The following LAMA2 variants were observed in gnomAD, a reference collection of about 807,000 sequenced individuals.
LAMA2 encodes the protein laminin subunit alpha-2.
LAMA2 carries 269 observed loss-of-function variants against 364.8 expected under a neutral mutation model. That is an observed-to-expected ratio of 0.74 (90% CI 0.67 to 0.82). The LOEUF is 0.82. Ranked by LOEUF, LAMA2 falls within the 40% of genes least tolerant of loss-of-function variation. The pLI, the probability that LAMA2 is intolerant of heterozygous loss-of-function variation, is 0.00. For synonymous variants in LAMA2, 1,379 were observed against 1,370.6 expected, an observed-to-expected ratio of 1.01 and a Z score of -0.14; for missense variants, 3,807 against 3,873.2, an observed-to-expected ratio of 0.98 and a Z score of 0.45.
intron 1 of LAMA2, among the ~76,000 whole-genome samples, chr6:128,976,748 C>A (rs780691633): frequency 2.6e-5 from 4 of 152,070 alleles, no homozygotes; most frequent in Non-Finnish European, 4.4e-5. Flanking sequence ...TCATACGAAT[C>A]CTAAGAAATT....
intron 45 of LAMA2, among the ~76,000 whole-genome samples, chr6:129,447,572 T>C (rs1782452386): frequency 6.6e-6 from 1 of 152,236 alleles, no homozygotes; most frequent in African/African-American, 2.4e-5. Context: ...AGTTAAGCAA[T>C]TTCATTTAAC....
chr6:128,889,740 T>C (rs952935786), intron 1 of LAMA2, among the ~76,000 whole-genome samples: 3 of 152,200 alleles, frequency 2.0e-5, no homozygotes, highest in Non-Finnish European at 2.9e-5. Context: ...TATCTAAAGA[T>C]AGTTTGAGAC....
At chr6:129,321,645 A>C (rs567163064) in intron 28 of LAMA2, among the ~76,000 whole-genome samples, 2 of 152,210 alleles carry the variant, frequency 1.3e-5, no homozygotes, top group Admixed American at 1.3e-4. Flanking sequence ...TCATCACAGC[A>C]CCTGGTGTGT....
At chr6:129,337,732 G>A (rs537848650) in intron 29 of LAMA2, among the ~76,000 whole-genome samples, 1 of 151,524 alleles carries the variant, frequency 6.6e-6, no homozygotes. Context: ...TTTCCAGTGT[G>A]CAAAAAAAAA....
rs370962501 is a variant in LAMA2 at position 129,025,399 on chromosome 6, C to A, written c.113-24519C>A. On this transcript the variant is annotated intron_variant, in intron 1 of 64. Transcript: ENST00000421865. The stretch of plus-strand genomic sequence containing the variant: ...ATTTACAAAAATCAAAAGCTCAAAT[C>A]ATGAATTCTGTTTGTGTTAAGGATT... 7.9e-5 allele frequency among the ~76,000 whole-genome samples: 12 copies of A among 152,180 alleles called. No individual in the cohort carries two copies. In the East Asian group the frequency reaches 2.1e-3, roughly 27 times the overall value.
intron 3 of LAMA2, among the ~76,000 whole-genome samples, chr6:129,068,785 G>C (rs1291051594): frequency 2.6e-5 from 4 of 152,178 alleles, no homozygotes; most frequent in Non-Finnish European, 5.9e-5. Context: ...TTTAGGAAAA[G>C]AGATGTTAAT....
intron 1 of LAMA2, among the ~76,000 whole-genome samples, chr6:128,909,198 T>C (rs1332371836): frequency 2.0e-5 from 3 of 152,092 alleles, no homozygotes; most frequent in Non-Finnish European, 4.4e-5. Flanking sequence ...CCTTGTTGAC[T>C]TTCTGTCTCG....
intron 1 of LAMA2, among the ~76,000 whole-genome samples, chr6:128,913,862 G>T (rs1048231070): frequency 6.6e-6 from 1 of 152,082 alleles, no homozygotes; most frequent in African/African-American, 2.4e-5. Context: ...TTATGGAAAC[G>T]CTCTATATTT....
intron 2 of LAMA2, among the ~76,000 whole-genome samples, chr6:129,051,223 G>GATATATACTTATATATAATCT (rs1787981130): frequency 1.4e-5 from 2 of 147,202 alleles, no homozygotes; most frequent in Non-Finnish European, 3.0e-5. Flanking sequence ...ATAGCAGGTA[G>GATATATACTTATATATAATCT]ATATATACTT....
intron 40 of LAMA2, among the ~76,000 whole-genome samples, chr6:129,415,414 A>G (rs1353963268): frequency 2.0e-5 from 3 of 151,852 alleles, no homozygotes; most frequent in Non-Finnish European, 4.4e-5. Context: ...TTCACAACTG[A>G]CTCTCATTCT....
At chr6:129,314,523 G>C in intron 23 of LAMA2, 132 bp from the exon 24 acceptor site, 1 of 764,956 alleles carries the variant, frequency 1.3e-6, no homozygotes, top group Non-Finnish European at 2.2e-6. Flanking sequence ...TGAGATGTGA[G>C]TCTAATACTC....
At chr6:128,983,295 G>A (rs929974360) in intron 1 of LAMA2, among the ~76,000 whole-genome samples, 1 of 151,952 alleles carries the variant, frequency 6.6e-6, no homozygotes, top group Admixed American at 6.6e-5. Context: ...ACTTTTTAAT[G>A]ATTGCCATTC....
rs573817305 is a variant in LAMA2 at position 129,313,705 on chromosome 6, G to A, written c.3411+608G>A. Among the ~76,000 whole-genome samples, 8 of 152,240 alleles carry A rather than the reference G, an allele frequency of 5.3e-5. No homozygotes were observed. In the South Asian group the frequency reaches 1.5e-3, roughly 28 times the overall value. On this transcript the variant is annotated intron_variant, in intron 23 of 64. Coordinates refer to ENST00000421865, the MANE Select transcript of LAMA2 (RefSeq NM_000426.4). ...GATAGTTCTGAAAAATCAATTCCAG[G>A]ATAAATGCAGTTTAAACTGTGTCAG...
chr6:129,014,988 G>T (rs1030828951), intron 1 of LAMA2, among the ~76,000 whole-genome samples: 1 of 151,892 alleles, frequency 6.6e-6, no homozygotes, highest in Non-Finnish European at 1.5e-5. Flanking sequence ...ATATAACTAA[G>T]AAATCTATTA....
intron 1 of LAMA2, among the ~76,000 whole-genome samples, chr6:128,927,436 T>C (rs1452731535): frequency 6.6e-6 from 1 of 152,216 alleles, no homozygotes; most frequent in Non-Finnish European, 1.5e-5. Context: ...GATTTAAATA[T>C]TACTTCTATG....
chr6:129,502,058 A>G (rs1480630859), intron 58 of LAMA2, among the ~76,000 whole-genome samples: 1 of 152,216 alleles, frequency 6.6e-6, no homozygotes, highest in African/African-American at 2.4e-5. Context: ...GAACAGTGGC[A>G]GTTGAAATGG....
intron 3 of LAMA2, among the ~76,000 whole-genome samples, chr6:129,075,721 T>C (rs1055962785): frequency 2.6e-5 from 4 of 151,976 alleles, no homozygotes; most frequent in African/African-American, 9.7e-5. Context: ...CCTGAAATAG[T>C]ATGGATTAAA....
intron 1 of LAMA2, among the ~76,000 whole-genome samples, chr6:128,960,473 G>A (rs1460868879): frequency 3.4e-4 from 30 of 89,384 alleles, no homozygotes; most frequent in African/African-American, 1.2e-3. Context: ...CCCCGCCCCC[G>A]CCGACCCCCA....
At chr6:129,431,005 A>G (rs1161294263) in intron 41 of LAMA2, among the ~76,000 whole-genome samples, 3 of 152,156 alleles carry the variant, frequency 2.0e-5, no homozygotes, top group Non-Finnish European at 2.9e-5. Context: ...ATCTTACCTT[A>G]TATTGACTAA....
Sources: gnomAD v4.1 joint callset for allele counts (sites outside exome capture counted in the v4.1 genomes callset) on GRCh38, gnomAD v4.1.1 for gene constraint, MANE v1.5 for transcripts, NCBI Gene and HGNC (gene_info 2026-07-23, HGNC 2026-07-21) for gene names.